SHPRH: variants seen among roughly 807,000 people sequenced by gnomAD.
SHPRH encodes E3 ubiquitin-protein ligase SHPRH.
In SHPRH, 106 loss-of-function variants were observed where a neutral mutation model predicts 202.5. The observed-to-expected ratio is 0.52, with a 90% CI of 0.45 to 0.62. The LOEUF is 0.62. Ranked by LOEUF, SHPRH falls within the 20% of genes least tolerant of loss-of-function variation. The pLI, the probability that SHPRH is intolerant of heterozygous loss-of-function variation, is 0.00. For synonymous variants in SHPRH, 729 were observed against 686.0 expected, an observed-to-expected ratio of 1.06 and a Z score of -0.98; for missense variants, 1,710 against 2,020.0, an observed-to-expected ratio of 0.85 and a Z score of 2.94.
At chr6:145,916,425 G>T (rs1233543337) in intron 23 of SHPRH, among the ~76,000 whole-genome samples, 2 of 152,030 alleles carry the variant, frequency 1.3e-5, no homozygotes, top group Non-Finnish European at 2.9e-5. Flanking sequence ...TTTAAGAAAA[G>T]CTTATATAAA....
chr6:145,872,805 G>T (rs1228873040), intron 2 of SHPRH, among the ~76,000 whole-genome samples: 2 of 152,216 alleles, frequency 1.3e-5, no homozygotes, highest in Non-Finnish European at 2.9e-5. Context: ...ATCAGTGATA[G>T]ATTGGATAAA....
At chr6:145,931,638 A>G (rs1484623100) in intron 14 of SHPRH, among the ~76,000 whole-genome samples, 1 of 151,920 alleles carries the variant, frequency 6.6e-6, no homozygotes, top group Non-Finnish European at 1.5e-5. Flanking sequence ...GCCTGGCCTG[A>G]TTTTTTATTT....
intron 24 of SHPRH, among the ~76,000 whole-genome samples, chr6:145,911,596 T>C (rs561695749): frequency 1.3e-5 from 2 of 152,258 alleles, no homozygotes; most frequent in Non-Finnish European, 2.9e-5. Flanking sequence ...ACAAATGTAG[T>C]TTTAACCGTT....
intron 14 of SHPRH, among the ~76,000 whole-genome samples, chr6:145,931,890 CT>C (rs55660510): frequency 0.62 from 89,439 of 143,978 alleles, 27,620 homozygotes; most frequent in African/African-American, 0.72. Flanking sequence ...CAATATATTT[CT>C]TTTTTTTTTT....
At chr6:145,940,569 A>G (rs1486398382) in intron 11 of SHPRH, among the ~76,000 whole-genome samples, 154 bp downstream of exon 11, 1 of 152,158 alleles carries the variant, frequency 6.6e-6, no homozygotes, top group African/African-American at 2.4e-5. Flanking sequence ...CCCATTTAAA[A>G]AGATAAATGC....
chr6:145,897,563 C>G (rs540605063), intron 25 of SHPRH, among the ~76,000 whole-genome samples: 2 of 152,154 alleles, frequency 1.3e-5, no homozygotes, highest in African/African-American at 4.8e-5. Flanking sequence ...ATATCAAAAT[C>G]AGACAAGAAC....
intron 2 of SHPRH, chr6:145,877,648 G>A (rs1271823063): frequency 6.6e-6 from 1 of 152,108 alleles, no homozygotes. Flanking sequence ...CAGATCCAGT[G>A]GATAATCAAC....
At chr6:145,889,935 C>G (rs2128711682) in intron 28 of SHPRH, among the ~76,000 whole-genome samples, 1 of 152,288 alleles carries the variant, frequency 6.6e-6, no homozygotes, top group East Asian at 1.9e-4. Context: ...ATGCTTCTGC[C>G]TACTACCAAC....
At position 145,910,602 on chromosome 6, in the gene SHPRH, T is replaced by C. The variant is rs778392081; in HGVS notation, c.4361A>G (p.Asn1454Ser). 2 of 1,612,738 alleles carry C rather than the reference T, an allele frequency of 1.2e-6. No homozygotes were observed. The highest frequency in any genetic ancestry group is 1.7e-6 in the Non-Finnish European group (2 of 1,179,430). Residue 1454 changes from asparagine to serine, a missense_variant, in exon 25 of 30, where the codon AAT becomes AGT. Physicochemically the swap from Asn to Ser is conservative, Grantham distance 46 (BLOSUM62 1). Around this residue, in one of 8 missense-constraint regions of SHPRH, gnomAD observed 306 missense variants for 479.5 expected, o/e 0.64. Coordinates refer to ENST00000275233, the MANE Select transcript of SHPRH (RefSeq NM_001042683.3). ...TTCAATAATTATAGAAATGCATTCA[T>C]TACAGAAACAGTGACCACAGGTCAG... ...AVLTCGHCFC[N>S]ECISIIIEQY...
intron 2 of SHPRH, among the ~76,000 whole-genome samples, chr6:145,864,815 G>A (rs997454844): frequency 2.0e-5 from 3 of 152,058 alleles, no homozygotes; most frequent in Admixed American, 2.0e-4. Flanking sequence ...TGTTCCTTTT[G>A]AATTGCCACG....
intron 2 of SHPRH, among the ~76,000 whole-genome samples, chr6:145,954,400 G>GCATTTGAAAT (rs1788283293): frequency 6.6e-6 from 1 of 152,010 alleles, no homozygotes; most frequent in Non-Finnish European, 1.5e-5. Context: ...CATTTGAAAA[G>GCATTTGAAAT]GCAAAATAGC....
At position 145,954,961 on chromosome 6, in the gene SHPRH, A is replaced by G; in HGVS notation, c.362T>C (p.Leu121Pro). The change falls in exon 2 of 30, where the codon CTT becomes CCT. Residue 121 changes from leucine (L) to proline (P), a missense_variant. Physicochemically the swap from Leu to Pro is moderately conservative, Grantham distance 98. Transcript: ENST00000275233. Reference sequence around the variant, plus strand: ...TAAACTCTGTGCAGGAAGAAGCTGAAGAGTTAATTCTCCTAGAAATGCTTT... The same window carrying G: ...TAAACTCTGTGCAGGAAGAAGCTGAGGAGTTAATTCTCCTAGAAATGCTTT... The part of the protein sequence containing the change: ...SWKAFLGELT[L>P]QLLPAQSLIE... 1 of 1,613,908 alleles carries G rather than the reference A, an allele frequency of 6.2e-7. No individual in the cohort carries two copies. The highest frequency in any genetic ancestry group is 8.5e-7 in the Non-Finnish European group (1 of 1,179,946).
Position 145,912,862 on chromosome 6 carries a change from T to G in SHPRH, c.4326+616A>C, listed in dbSNP as rs1326715836. Among the ~76,000 whole-genome samples, 7 of 152,212 alleles carry G rather than the reference T, an allele frequency of 4.6e-5. No individual in the cohort carries two copies. The South Asian group carries it at 1.0e-3, about 23-fold the overall frequency. ...CAATGAATAGTCTGATATATATATA[T>G]ATAGATTTATCATAGAAAGCAGAAA... is the stretch of plus-strand genomic sequence containing the variant. On this transcript the variant is annotated intron_variant, in intron 24 of 29. Coordinates refer to ENST00000275233, the MANE Select transcript of SHPRH (RefSeq NM_001042683.3).
intron 13 of SHPRH, 41 bp from the exon 14 acceptor site, chr6:145,933,219 C>A (rs1487265783): frequency 6.2e-7 from 1 of 1,612,884 alleles, no homozygotes; most frequent in East Asian, 2.2e-5. Context: ...GAAAGAAAAT[C>A]CCAAGTGTGA....
At chr6:145,894,361 A>C (rs1583316544) in intron 26 of SHPRH, 125 bp from the exon 27 acceptor site, 1 of 560,220 alleles carries the variant, frequency 1.8e-6, no homozygotes. Context: ...CAAAACCAAA[A>C]CCCTCAAATG....
intron 24 of SHPRH, among the ~76,000 whole-genome samples, chr6:145,913,128 T>A (rs1180184184): frequency 6.6e-6 from 1 of 152,138 alleles, no homozygotes; most frequent in East Asian, 1.9e-4. Context: ...TAAATCTATG[T>A]GTGTTATATT....
chr6:145,873,910 G>A (rs1268293025), intron 2 of SHPRH, among the ~76,000 whole-genome samples: 5 of 152,108 alleles, frequency 3.3e-5, no homozygotes, highest in African/African-American at 9.7e-5. Flanking sequence ...ATCAAAATGT[G>A]TGGGCAGGCT....
intron 6 of SHPRH, among the ~76,000 whole-genome samples, chr6:145,946,879 C>T (rs1787443754): frequency 6.6e-6 from 1 of 151,874 alleles, no homozygotes; most frequent in Non-Finnish European, 1.5e-5. Context: ...CCTTTAACTA[C>T]TGACTTCATT....
chr6:145,957,390 T>C (rs1788613946), intron 1 of SHPRH, among the ~76,000 whole-genome samples: 1 of 152,122 alleles, frequency 6.6e-6, no homozygotes, highest in African/African-American at 2.4e-5. Flanking sequence ...ATTTTGGTTC[T>C]TCAAAAGATA....
Sources: allele counts gnomAD v4.1 joint callset (sites outside exome capture counted in the v4.1 genomes callset), GRCh38; gene constraint gnomAD v4.1.1; regional missense constraint gnomAD v4.1.1; transcripts MANE v1.5; gene names NCBI Gene and HGNC (gene_info 2026-07-23, HGNC 2026-07-21).